SRGAP1: variants seen among roughly 807,000 people sequenced by gnomAD.
The protein encoded by SRGAP1 is SLIT-ROBO Rho GTPase activating protein 1.
SRGAP1 carries 43 observed loss-of-function variants against 121.9 expected under a neutral mutation model. The observed-to-expected ratio is 0.35, with a 90% CI of 0.28 to 0.46. SRGAP1 has a LOEUF of 0.46. Among genes scored for constraint, SRGAP1 ranks in the 20% least tolerant of loss-of-function variants. SRGAP1 has a pLI of 1.00. For synonymous variants in SRGAP1, 447 were observed against 485.4 expected (o/e 0.92, Z 1.04); for missense variants, 1,102 against 1,350.9 (o/e 0.82, Z 2.89).
chr12:64,035,315 C>G (rs2034880420), intron 4 of SRGAP1, among the ~76,000 whole-genome samples: 1 of 131,826 alleles, frequency 7.6e-6, no homozygotes. Flanking sequence ...CTCAGCCTAC[C>G]CTGAAGTCCA....
intron 3 of SRGAP1, among the ~76,000 whole-genome samples, chr12:63,993,646 A>G (rs777775624): frequency 1.3e-5 from 2 of 152,180 alleles, no homozygotes; most frequent in Admixed American, 6.5e-5. Context: ...CAATGACAAA[A>G]AATCATTTAC....
At chr12:63,896,077 C>CG (rs1318075159) in intron 1 of SRGAP1, among the ~76,000 whole-genome samples, 1 of 152,134 alleles carries the variant, frequency 6.6e-6, no homozygotes, top group African/African-American at 2.4e-5. Context: ...GCCACATACT[C>CG]ATAGTGTGAC....
chr12:64,091,989 C>A, intron 12 of SRGAP1: 1 of 1,339,982 alleles, frequency 7.5e-7, no homozygotes, highest in Non-Finnish European at 1.0e-6. Context: ...AAGTCGTGCT[C>A]ATGCTTGGCT....
At chr12:64,107,644 A>G (rs2036365721) in intron 15 of SRGAP1, among the ~76,000 whole-genome samples, 2 of 152,202 alleles carry the variant, frequency 1.3e-5, no homozygotes, top group Non-Finnish European at 2.9e-5. Context: ...TAGGTGGAAG[A>G]AGGTTTAAAA....
intron 4 of SRGAP1, among the ~76,000 whole-genome samples, chr12:64,038,339 TACAC>T (rs767214129): frequency 1.8e-4 from 27 of 152,154 alleles, no homozygotes; most frequent in African/African-American, 5.8e-4. Context: ...ATTAAAAAAA[TACAC>T]ACACAGGGAC....
intron 8 of SRGAP1, among the ~76,000 whole-genome samples, chr12:64,066,151 G>A (rs1335664066): frequency 6.6e-6 from 1 of 152,222 alleles, no homozygotes; most frequent in Non-Finnish European, 1.5e-5. Flanking sequence ...TTCAAATGAT[G>A]TTATCAGGAC....
At chr12:63,852,138 G>A (rs183819658) in intron 1 of SRGAP1, among the ~76,000 whole-genome samples, 1,742 of 152,068 alleles carry the variant, frequency 0.011, 15 homozygotes, top group Middle Eastern at 0.037. Flanking sequence ...GACTATAGGC[G>A]CCTGCCATCA....
intron 10 of SRGAP1, chr12:64,080,676 C>T (rs1486915035): frequency 2.3e-6 from 1 of 425,918 alleles, no homozygotes; most frequent in Non-Finnish European, 4.4e-6. Flanking sequence ...AAACACTGCC[C>T]CTCCCCTACC....
Position 63,930,353 on chromosome 12 carries a change from G to T in SRGAP1, c.68-53594G>T, listed in dbSNP as rs74099373. Among the ~76,000 whole-genome samples, 7 of 136,016 alleles carry T rather than the reference G, an allele frequency of 5.1e-5. No individual in the cohort carries two copies. In the South Asian group the frequency reaches 1.1e-3, roughly 22 times the overall value. The allele number at this position is 136,016 out of a possible 152,430, so 89.2% of individuals were successfully genotyped here. On this transcript the variant is annotated intron_variant, in intron 1 of 21. Transcript: ENST00000355086. The stretch of plus-strand genomic sequence containing the variant: ...TAAAAAAAAAAAAAAAAAAAAAAAA[G>T]GGGAGCCCTCTTTTTATTCAAATCA...
Position 64,154,560 on chromosome 12 carries a change from T to C in SRGAP1, c.*11888T>C, listed in dbSNP as rs73323024. ...AGAATCAAGAGTGGCTCCTAGTATT[T>C]GTTTGAGCAAATGGGTGGAATATAT... is the stretch of plus-strand genomic sequence containing the variant. On this transcript the variant is annotated 3_prime_UTR_variant, in exon 22 of 22. Coordinates refer to ENST00000355086, the MANE Select transcript of SRGAP1 (RefSeq NM_020762.4). 7.7e-4 allele frequency: 118 copies of C among 152,262 alleles called. 2 individuals are homozygous for C. Among genetic ancestry groups the C allele is most frequent in the African/African-American group, 2.7e-3 (111 of 41,546 alleles). 9.4% of individuals were successfully genotyped at this position (152,262 alleles called of 1,614,324 possible).
chr12:64,023,204 CAAAAAAAAA>C (rs11312893), intron 4 of SRGAP1, among the ~76,000 whole-genome samples: 1 of 77,076 alleles, frequency 1.3e-5, no homozygotes, highest in African/African-American at 5.0e-5. Flanking sequence ...ACTTTTGTAC[CAAAAAAAAA>C]AAAAAAAAAA....
chr12:63,869,305 C>G (rs960185579), intron 1 of SRGAP1, among the ~76,000 whole-genome samples: 2 of 152,214 alleles, frequency 1.3e-5, no homozygotes, highest in Admixed American at 6.5e-5. Flanking sequence ...AAGGAGCCCA[C>G]TCCAGAGATA....
Position 63,984,017 on chromosome 12 carries a change from C to T in SRGAP1, c.138C>T (p.Leu46=), listed in dbSNP as rs1166047368. The T allele has an allele frequency of 6.3e-7, 1 of 1,582,122 alleles. No homozygotes were observed. Among genetic ancestry groups the T allele is most frequent in the Non-Finnish European group, 8.6e-7 (1 of 1,160,008 alleles). Residue 46 remains leucine (L), a synonymous_variant, in exon 2 of 22, where the codon CTC becomes CTT. Transcript: ENST00000355086. ...EQQTEMRVQL[L]QDLQDFFRKK... ...AAACGGAGATGCGAGTTCAGCTTCTCCAGGATCTGCAAGATTTCTTCCGAA... is the reference window on the plus strand; with the variant it reads ...AAACGGAGATGCGAGTTCAGCTTCTTCAGGATCTGCAAGATTTCTTCCGAA...
chr12:63,868,326 G>A (rs1226351235), intron 1 of SRGAP1, among the ~76,000 whole-genome samples: 8 of 151,344 alleles, frequency 5.3e-5, no homozygotes, highest in Admixed American at 1.3e-4. Context: ...CAGGTGATCC[G>A]CCCGCCTCAG....
rs2037048839 is a variant in SRGAP1 at position 64,146,203 on chromosome 12, A to ACATCTT, written c.*3533_*3538dup. The ACATCTT allele has an allele frequency of 1.3e-5, 2 of 152,212 alleles. No individual in the cohort carries two copies. The highest frequency in any genetic ancestry group is 2.9e-5 in the Non-Finnish European group (2 of 68,040). The allele number at this position is 152,212 out of a possible 1,614,324, so 9.4% of individuals were successfully genotyped here. On this transcript the variant is annotated 3_prime_UTR_variant, in exon 22 of 22. Coordinates refer to ENST00000355086, the MANE Select transcript of SRGAP1 (RefSeq NM_020762.4). The stretch of plus-strand genomic sequence containing the variant: ...TGTCAACACCATTCAACAGCTTTGC[A>ACATCTT]CATCTTCGTACAACATAATCTGGCT...
Position 64,144,113 on chromosome 12 carries a change from T to C in SRGAP1, c.*1441T>C, listed in dbSNP as rs1311418173. On this transcript the variant is annotated 3_prime_UTR_variant, in exon 22 of 22. Coordinates refer to ENST00000355086, the MANE Select transcript of SRGAP1 (RefSeq NM_020762.4). The stretch of plus-strand genomic sequence containing the variant: ...TTTTTAAGCCTATATTTATGCTACA[T>C]TTTCCCCCATCTTAAGAAAATTTGC... 2 of 152,132 alleles carry C rather than the reference T, an allele frequency of 1.3e-5. No individual in the cohort carries two copies. Among genetic ancestry groups the C allele is most frequent in the Admixed American group, 1.3e-4 (2 of 15,266 alleles). The allele number at this position is 152,132 out of a possible 1,614,324, so 9.4% of individuals were successfully genotyped here.
At position 64,143,780 on chromosome 12, in the gene SRGAP1, T is replaced by TA. The variant is rs766859474; in HGVS notation, c.*1122dup. The TA allele has an allele frequency of 9.8e-3, 1,415 of 144,642 alleles. 15 individuals carry two copies. Among genetic ancestry groups the TA allele is most frequent in the African/African-American group, 0.025 (1,000 of 39,514 alleles). The allele number at this position is 144,642 out of a possible 1,614,324, so 9.0% of individuals were successfully genotyped here. A position where few individuals can be genotyped will look rare whatever the true frequency, so the allele number is the denominator to read the frequency against. Reference sequence around the variant, plus strand: ...CAGCATAGTGTGAGACCCTGTCTCTTAAAAAAAAAAAAAATGCTACAAAGT... The same window carrying TA: ...CAGCATAGTGTGAGACCCTGTCTCTTAAAAAAAAAAAAAAATGCTACAAAGT... On this transcript the variant is annotated 3_prime_UTR_variant, in exon 22 of 22. Transcript: ENST00000355086.
chr12:63,848,086 A>C (rs1209863004), intron 1 of SRGAP1, among the ~76,000 whole-genome samples: 1 of 151,496 alleles, frequency 6.6e-6, no homozygotes, highest in Non-Finnish European at 1.5e-5. Flanking sequence ...GCTCAGTGCA[A>C]CCTCCACCTC....
intron 1 of SRGAP1, among the ~76,000 whole-genome samples, chr12:63,960,371 GT>G (rs2032601170): frequency 6.6e-6 from 1 of 151,946 alleles, no homozygotes; most frequent in Admixed American, 6.6e-5. Context: ...CCGCCAGCTG[GT>G]TTTCGGCTTC....
Sources: allele counts gnomAD v4.1 joint callset (sites outside exome capture counted in the v4.1 genomes callset), GRCh38; gene constraint gnomAD v4.1.1; transcripts MANE v1.5; gene names NCBI Gene and HGNC (gene_info 2026-07-23, HGNC 2026-07-21).